Variants in LGSN observed in about 807,000 individuals in gnomAD.
The protein encoded by LGSN is lengsin.
Under a neutral mutation model 19.5 loss-of-function variants are expected in LGSN, and 21 were observed. That is an observed-to-expected ratio of 1.07 (90% CI 0.76 to 1.55). The LOEUF (loss-of-function observed/expected upper bound fraction) is 1.55, where lower values mean the gene tolerates loss of function less well. Ranked by LOEUF, LGSN falls within the 40% of genes most tolerant of loss-of-function variation. LGSN has a pLI of 0.00. For synonymous variants in LGSN, 257 were observed against 215.6 expected (o/e 1.19, Z -1.68); for missense variants, 673 against 608.5 (o/e 1.11, Z -1.12).
chr6:63,515,200 A>AC, the LGSN span, among the ~76,000 whole-genome samples: 6 of 141,856 alleles, frequency 4.2e-5, no homozygotes, highest in Non-Finnish European at 7.5e-5. Context: ...TATCTTAATC[A>AC]CCTTTCTAAA....
At chr6:63,367,809 G>T in the LGSN span, among the ~76,000 whole-genome samples, 14 of 151,824 alleles carry the variant, frequency 9.2e-5, no homozygotes, top group East Asian at 2.7e-3. Flanking sequence ...GATGAAGCTG[G>T]AAACCATCAT....
chr6:63,280,615 C>A lies in LGSN; in HGVS notation c.936G>T (p.Gly312=). The stretch of plus-strand genomic sequence containing the variant: ...CATCCCAGAGACTATGAGACAAAAT[C>A]CCTGAATCACAAAATCCAGTCTCAA... ...FFIETGFCDS[G]ILSHSLWDVD... is the part of the protein sequence containing the mutation. Residue 312 remains glycine, a synonymous_variant, in exon 4 of 4, where the codon GGG becomes GGT. Transcript: ENST00000370657. 6.2e-7 allele frequency: 1 copy of A among 1,614,044 alleles called. No homozygotes were observed. The highest frequency in any genetic ancestry group is 8.5e-7 in the Non-Finnish European group (1 of 1,180,030).
the LGSN span, among the ~76,000 whole-genome samples, chr6:63,562,189 T>A: frequency 6.6e-6 from 1 of 151,136 alleles, no homozygotes; most frequent in South Asian, 2.1e-4. Context: ...GACATTAAGA[T>A]ATTTTCTTTT....
At chr6:63,503,434 C>CGTG in the LGSN span, among the ~76,000 whole-genome samples, 1 of 152,210 alleles carries the variant, frequency 6.6e-6, no homozygotes, top group South Asian at 2.1e-4. Context: ...CTGGAGATCA[C>CGTG]AAGAATGGCT....
chr6:63,432,066 C>T, the LGSN span, among the ~76,000 whole-genome samples: 8 of 126,420 alleles, frequency 6.3e-5, no homozygotes, highest in Admixed American at 1.0e-4. Flanking sequence ...CAGAGTAAGA[C>T]TCCATCTCGA....
chr6:63,548,395 C>A, the LGSN span, among the ~76,000 whole-genome samples: 11 of 152,300 alleles, frequency 7.2e-5, no homozygotes, highest in East Asian at 2.1e-3. Flanking sequence ...TAGAACGGCA[C>A]TAGGCAAGCA....
the LGSN span, among the ~76,000 whole-genome samples, chr6:63,342,347 A>G: frequency 6.6e-6 from 1 of 152,222 alleles, no homozygotes; most frequent in East Asian, 1.9e-4. Flanking sequence ...CGATTTAAGC[A>G]ATAGTATTTT....
At chr6:63,522,109 T>C in the LGSN span, among the ~76,000 whole-genome samples, 1 of 152,332 alleles carries the variant, frequency 6.6e-6, no homozygotes, top group East Asian at 1.9e-4. Context: ...TGTTAATACA[T>C]AGGTGAATCC....
At chr6:63,510,032 T>G in the LGSN span, among the ~76,000 whole-genome samples, 2 of 152,240 alleles carry the variant, frequency 1.3e-5, no homozygotes. Flanking sequence ...TGTAACCATC[T>G]AATAAAGCTT....
intron 3 of LGSN, among the ~76,000 whole-genome samples, chr6:63,282,840 T>C (rs996665670): frequency 2.0e-5 from 3 of 152,058 alleles, no homozygotes; most frequent in Non-Finnish European, 4.4e-5. Flanking sequence ...TATTAGAATA[T>C]TATAGCATGG....
Position 63,281,088 on chromosome 6 carries a change from T to C in LGSN, c.463A>G (p.Thr155Ala). 2 of 1,613,908 alleles carry C rather than the reference T, an allele frequency of 1.2e-6. No homozygotes were observed. Among genetic ancestry groups the C allele is most frequent in the Non-Finnish European group, 1.7e-6 (2 of 1,179,976 alleles). ...SDIVLMPELSTFRVLPWADRT... is the reference protein window; with the variant it reads ...SDIVLMPELSAFRVLPWADRT... Reference sequence around the variant, plus strand: ...TCAGCCCATGGCAAAACTCTAAAGGTTGATAACTCTGGCATTAGGACTATG... The same window carrying C: ...TCAGCCCATGGCAAAACTCTAAAGGCTGATAACTCTGGCATTAGGACTATG... The change falls in exon 4 of 4, where the codon ACC becomes GCC. Residue 155 changes from threonine (T) to alanine (A), a missense_variant. By Grantham distance (58) the Thr-to-Ala change is moderately conservative (BLOSUM62 0). Coordinates refer to ENST00000370657, the MANE Select transcript of LGSN (RefSeq NM_016571.3).
chr6:63,446,102 A>G, the LGSN span, among the ~76,000 whole-genome samples: 16,546 of 152,086 alleles, frequency 0.11, 960 homozygotes, highest in East Asian at 0.16. Context: ...TACAAAAATT[A>G]GCCGGGCCAT....
intron 2 of LGSN, among the ~76,000 whole-genome samples, chr6:63,290,287 C>T (rs2127385923): frequency 6.6e-6 from 1 of 152,240 alleles, no homozygotes; most frequent in South Asian, 2.1e-4. Context: ...GGTACCCATG[C>T]TGTAAGTCAC....
the LGSN span, among the ~76,000 whole-genome samples, chr6:63,566,957 C>G: frequency 6.6e-6 from 1 of 152,178 alleles, no homozygotes; most frequent in South Asian, 2.1e-4. Context: ...TCTCAAGAAA[C>G]CACTCTCTTT....
chr6:63,290,250 C>T (rs1767712949), intron 2 of LGSN, among the ~76,000 whole-genome samples: 1 of 152,134 alleles, frequency 6.6e-6, no homozygotes, highest in South Asian at 2.1e-4. Context: ...AAGGGAGCTT[C>T]TGAGCTAAAG....
chr6:63,480,986 T>G, the LGSN span, among the ~76,000 whole-genome samples: 1 of 44,076 alleles, frequency 2.3e-5, no homozygotes. Context: ...TATATATATA[T>G]ACACACACAC....
At chr6:63,318,867 G>A (rs966283690) in intron 1 of LGSN, among the ~76,000 whole-genome samples, 2 of 152,176 alleles carry the variant, frequency 1.3e-5, no homozygotes, top group Non-Finnish European at 1.5e-5. Context: ...AGCTAATGAT[G>A]TATATGCTAA....
the LGSN span, among the ~76,000 whole-genome samples, chr6:63,524,976 T>C: frequency 1.3e-5 from 2 of 152,354 alleles, no homozygotes; most frequent in Non-Finnish European, 2.9e-5. Flanking sequence ...TTATTGAGTT[T>C]AACTCCTAAA....
chr6:63,495,252 A>G, the LGSN span, among the ~76,000 whole-genome samples: 1 of 152,054 alleles, frequency 6.6e-6, no homozygotes, highest in East Asian at 1.9e-4. Context: ...ATTCAATCCC[A>G]CATTAACCCA....
Sources: gnomAD v4.1 joint callset for allele counts (sites outside exome capture counted in the v4.1 genomes callset) on GRCh38, gnomAD v4.1.1 for gene constraint, MANE v1.5 for transcripts, NCBI Gene and HGNC (gene_info 2026-07-23, HGNC 2026-07-21) for gene names.